Variants in ARHGAP27 observed in about 807,000 individuals in gnomAD.
The protein encoded by ARHGAP27 is rho GTPase-activating protein 27.
Under a neutral mutation model 102.0 loss-of-function variants are expected in ARHGAP27, and 53 were observed. That is an observed-to-expected ratio of 0.52 (90% CI 0.42 to 0.65). ARHGAP27 has a LOEUF of 0.65. ARHGAP27 is among the 30% of genes least tolerant of loss of function. The probability of loss-of-function intolerance (pLI) is 0.00; values close to 1 mark genes in which losing one functional copy is unlikely to be tolerated. For missense variants in ARHGAP27, 1,117 were observed against 1,256.2 expected (o/e 0.89, Z 1.68); for synonymous variants, 525 against 542.8 (o/e 0.97, Z 0.46).
Position 45,395,387 on chromosome 17 carries a change from G to A in ARHGAP27, c.*69C>T, listed in dbSNP as rs990840310. 6.7e-7 allele frequency: 1 copy of A among 1,490,958 alleles called. No individual in the cohort carries two copies. Among genetic ancestry groups the A allele is most frequent in the African/African-American group, 1.4e-5 (1 of 71,806 alleles). 92.4% of individuals were successfully genotyped at this position (1,490,958 alleles called of 1,614,324 possible). A position where few individuals can be genotyped will look rare whatever the true frequency, so the allele number is the denominator to read the frequency against. On this transcript the variant is annotated 3_prime_UTR_variant, in exon 20 of 20. Coordinates refer to ENST00000685559, the MANE Select transcript of ARHGAP27 (RefSeq NM_001282290.2). ...AGGGTCCCAGAGAGAAGAAGGCCCGGCTGCGTGGCCTCCGCCGCCCAGCTT... is the reference window on the plus strand; with the variant it reads ...AGGGTCCCAGAGAGAAGAAGGCCCGACTGCGTGGCCTCCGCCGCCCAGCTT...
chr17:45,417,992 G>A (rs575807384), intron 4 of ARHGAP27, among the ~76,000 whole-genome samples: 8 of 150,092 alleles, frequency 5.3e-5, no homozygotes, highest in Non-Finnish European at 7.4e-5. Context: ...AGCGGAGATC[G>A]TGCCACTGCA....
chr17:45,412,770 A>T (rs2048053790), intron 4 of ARHGAP27, among the ~76,000 whole-genome samples: 1 of 151,976 alleles, frequency 6.6e-6, no homozygotes, highest in Non-Finnish European at 1.5e-5. Context: ...GCAGGATCGG[A>T]GGAGCTGGGG....
chr17:45,407,510 CTTTTTTTTCTTTTTT>C (rs2047338820), intron 4 of ARHGAP27: 1 of 148,550 alleles, frequency 6.7e-6, no homozygotes, highest in African/African-American at 2.5e-5. Flanking sequence ...TTTTCTTTTT[CTTTTTTTTCTTTTTT>C]TTTTTTTGAG....
intron 4 of ARHGAP27, among the ~76,000 whole-genome samples, chr17:45,428,521 G>A (rs1033830658): frequency 1.3e-5 from 2 of 152,234 alleles, no homozygotes; most frequent in African/African-American, 4.8e-5. Flanking sequence ...CCTGAGCTCT[G>A]CATTGTAACG....
In ARHGAP27 at chr17:45,410,328, G is replaced by A. The variant is rs946025739; in HGVS notation, c.658-4245C>T. On this transcript the variant is annotated intron_variant, in intron 4 of 19. Transcript: ENST00000685559. ...ACTGCCGGGACAGAGCCCTGGGAAG[G>A]TTTTGGGGGTAGAGCCCAGGGGCAC... The A allele has an allele frequency of 1.4e-5, 20 of 1,473,750 alleles. No homozygotes were observed. The Middle Eastern group carries it at 8.8e-4, about 64-fold the overall frequency. 91.3% of individuals were successfully genotyped at this position (1,473,750 alleles called of 1,614,324 possible).
intron 12 of ARHGAP27, among the ~76,000 whole-genome samples, chr17:45,402,364 A>T (rs2046538259): frequency 6.6e-6 from 1 of 152,174 alleles, no homozygotes; most frequent in Non-Finnish European, 1.5e-5. Flanking sequence ...CAGCTCCTGG[A>T]GAGGGAACTG....
chr17:45,415,635 G>C (rs1450778554), intron 4 of ARHGAP27, among the ~76,000 whole-genome samples: 1 of 152,176 alleles, frequency 6.6e-6, no homozygotes, highest in Non-Finnish European at 1.5e-5. Context: ...GCCTCCTGCT[G>C]GCTTTGCCTC....
chr17:45,411,432 C>T (rs2047897674), intron 4 of ARHGAP27, among the ~76,000 whole-genome samples: 1 of 152,096 alleles, frequency 6.6e-6, no homozygotes. Flanking sequence ...CCTCTGGCCC[C>T]CACCCTGGAT....
At chr17:45,398,753 A>C (rs886257000) in intron 12 of ARHGAP27, among the ~76,000 whole-genome samples, 2 of 151,950 alleles carry the variant, frequency 1.3e-5, no homozygotes, top group Non-Finnish European at 2.9e-5. Context: ...AAAACAAAAC[A>C]AAACCCAGAA....
rs749287523 is a variant in ARHGAP27 at position 45,396,631 on chromosome 17, C to T, written c.2074+37G>A. 1.2e-5 allele frequency: 19 copies of T among 1,612,052 alleles called. No homozygotes were observed. In the East Asian group the frequency reaches 3.6e-4, roughly 30 times the overall value. Reference sequence around the variant, plus strand: ...CTCCTGCCCAGCCTGCGCCCCGTCCCGGTCCCGGGTCCCCGCCCCCCGCAG... The same window carrying T: ...CTCCTGCCCAGCCTGCGCCCCGTCCTGGTCCCGGGTCCCCGCCCCCCGCAG... On this transcript the variant is annotated intron_variant, in intron 15 of 19. Transcript: ENST00000685559.
At chr17:45,419,557 T>C (rs2048838473) in intron 4 of ARHGAP27, among the ~76,000 whole-genome samples, 1 of 123,750 alleles carries the variant, frequency 8.1e-6, no homozygotes, top group Non-Finnish European at 1.7e-5. Flanking sequence ...TATATATATA[T>C]GACTTTGTAA....
At chr17:45,397,071 G>T in intron 13 of ARHGAP27, 47 bp from the exon 14 acceptor site, 1 of 1,595,544 alleles carries the variant, frequency 6.3e-7, no homozygotes. Context: ...GCCAGCTGCG[G>T]GTCCTTCCAG....
intron 4 of ARHGAP27, among the ~76,000 whole-genome samples, chr17:45,419,183 A>G (rs1597847026): frequency 6.7e-6 from 1 of 149,714 alleles, no homozygotes; most frequent in African/African-American, 2.5e-5. Context: ...CAAACTTGTC[A>G]GTGAAAGGTC....
Position 45,395,383 on chromosome 17 carries a change from C to T in ARHGAP27, c.*73G>A. ...GCGGAGGGTCCCAGAGAGAAGAAGG[C>T]CCGGCTGCGTGGCCTCCGCCGCCCA... On this transcript the variant is annotated 3_prime_UTR_variant, in exon 20 of 20. Transcript: ENST00000685559. 1 of 1,483,992 alleles carries T rather than the reference C, an allele frequency of 6.7e-7. No homozygotes were observed. The highest frequency in any genetic ancestry group is 2.5e-5 in the East Asian group (1 of 40,430). 91.9% of individuals were successfully genotyped at this position (1,483,992 alleles called of 1,614,324 possible).
intron 14 of ARHGAP27, 35 bp downstream of exon 14, chr17:45,396,881 C>T: frequency 6.2e-7 from 1 of 1,607,170 alleles, no homozygotes; most frequent in African/African-American, 1.3e-5. Context: ...GGAGAGGCCT[C>T]CTGGAGCCCC....
intron 4 of ARHGAP27, among the ~76,000 whole-genome samples, chr17:45,426,807 C>T (rs560201142): frequency 2.6e-5 from 4 of 152,326 alleles, no homozygotes; most frequent in African/African-American, 9.6e-5. Flanking sequence ...CACTTCACTA[C>T]TGACCACTGC....
At chr17:45,426,426 G>A (rs755984176) in intron 4 of ARHGAP27, among the ~76,000 whole-genome samples, 11 of 152,032 alleles carry the variant, frequency 7.2e-5, no homozygotes, top group Admixed American at 1.3e-4. Flanking sequence ...CTCAATATGC[G>A]CGATTAGAGT....
At position 45,410,516 on chromosome 17, in the gene ARHGAP27, A is replaced by G. The variant is rs2047790973; in HGVS notation, c.658-4433T>C. 1.1e-4 allele frequency: 121 copies of G among 1,080,238 alleles called. 2 individuals are homozygous for G. The South Asian group carries it at 2.3e-3, about 21-fold the overall frequency. 66.9% of individuals were successfully genotyped at this position (1,080,238 alleles called of 1,614,324 possible). ...TTGAGGGTATTTTTATGCTTCTAGA[A>G]ACACTGCTGGCTGCCCCACTCAGTG... is the stretch of plus-strand genomic sequence containing the variant. On this transcript the variant is annotated intron_variant, in intron 4 of 19. Coordinates refer to ENST00000685559, the MANE Select transcript of ARHGAP27 (RefSeq NM_001282290.2).
In ARHGAP27 at chr17:45,404,607, C is replaced by G; in HGVS notation, c.1323G>C (p.Leu441=). Residue 441 remains leucine (L), a synonymous_variant, in exon 7 of 20, where the codon CTG becomes CTC. Transcript: ENST00000685559. ...NPEDSSVRWE[L]PQVPVPAPRS... Reference sequence around the variant, plus strand: ...CCTTTCCCCAGGTTGTTACCTGGGGCAGCTCCCATCGAACAGAGGAGTCCT... The same window carrying G: ...CCTTTCCCCAGGTTGTTACCTGGGGGAGCTCCCATCGAACAGAGGAGTCCT... 2 of 1,614,042 alleles carry G rather than the reference C, an allele frequency of 1.2e-6. No individual in the cohort carries two copies. Among genetic ancestry groups the G allele is most frequent in the Non-Finnish European group, 1.7e-6 (2 of 1,179,938 alleles).
Sources: gnomAD v4.1 joint callset for allele counts (sites outside exome capture counted in the v4.1 genomes callset) on GRCh38, gnomAD v4.1.1 for gene constraint, MANE v1.5 for transcripts, NCBI Gene and HGNC (gene_info 2026-07-23, HGNC 2026-07-21) for gene names.